The following CTTNBP2 variants were observed in gnomAD, a reference collection of about 807,000 sequenced individuals.
CTTNBP2 encodes the protein cortactin-binding protein 2.
In CTTNBP2, 108 loss-of-function variants were observed where a neutral mutation model predicts 156.9. The ratio of observed to expected loss-of-function variants is 0.69; its 90% CI spans 0.59 to 0.81. The LOEUF (loss-of-function observed/expected upper bound fraction) is 0.81, where lower values mean the gene tolerates loss of function less well. CTTNBP2 is among the 30% of genes least tolerant of loss of function. The probability of loss-of-function intolerance (pLI) is 0.00; values close to 1 mark genes in which losing one functional copy is unlikely to be tolerated. For synonymous variants in CTTNBP2, 767 were observed against 751.8 expected, an observed-to-expected ratio of 1.02 and a Z score of -0.33; for missense variants, 1,924 against 2,035.4, an observed-to-expected ratio of 0.95 and a Z score of 1.05.
At chr7:117,860,698 A>G (rs1283866203) in intron 2 of CTTNBP2, among the ~76,000 whole-genome samples, 1 of 152,222 alleles carries the variant, frequency 6.6e-6, no homozygotes, top group Admixed American at 6.5e-5. Flanking sequence ...AAATATTTCA[A>G]AATTACTGAA....
rs368673723 is a variant in CTTNBP2, at chr7:117,829,849, A to G, written c.190-18860T>C. On this transcript the variant is annotated intron_variant, in intron 2 of 22. Transcript: ENST00000160373. The stretch of plus-strand genomic sequence containing the variant: ...TTGAGCTGTCTCAGTACAGCCACAC[A>G]ATTTAGAAGAGCCCTCTAAAATAAT... Among the ~76,000 whole-genome samples the G allele has an allele frequency of 7.2e-5, 11 of 152,248 alleles. 1 individual carries two copies. Among genetic ancestry groups the G allele is most frequent in the African/African-American group, 2.7e-4 (11 of 41,472 alleles).
At chr7:117,802,176 C>T (rs939855039) in intron 3 of CTTNBP2, among the ~76,000 whole-genome samples, 5 of 149,452 alleles carry the variant, frequency 3.3e-5, no homozygotes, top group African/African-American at 1.2e-4. Flanking sequence ...TTTGTTCTTG[C>T]GATAGTTTAC....
In CTTNBP2 at chr7:117,711,571, T is replaced by TGTAA. The variant is rs768669239; in HGVS notation, c.4954_4957dup (p.His1653LeufsTer5). ...AGGTTTTTCTAGGTGTTCATTTTTG[T>TGTAA]GTAAGTTCCAATTCACTTCTTTTGA... On this transcript the variant is annotated frameshift_variant, in exon 23 of 23. Transcript: ENST00000160373. LOFTEE classifies it high-confidence loss of function. 2.5e-6 allele frequency: 4 copies of TGTAA among 1,613,740 alleles called. No homozygotes were observed. The highest frequency in any genetic ancestry group is 3.4e-6 in the Non-Finnish European group (4 of 1,179,878).
chr7:117,817,387 T>TATATATATATATATATATATATATAA (rs1563037916), intron 2 of CTTNBP2, among the ~76,000 whole-genome samples: 1 of 116,110 alleles, frequency 8.6e-6, no homozygotes, highest in Non-Finnish European at 1.8e-5. Context: ...TATATATATA[T>TATATATATATATATATATATATATAA]AATTTCATCA....
At position 117,785,694 on chromosome 7, in the gene CTTNBP2, G is replaced by A. The variant is rs918679972; in HGVS notation, c.2069-1240C>T. On this transcript the variant is annotated intron_variant, in intron 4 of 22. Transcript: ENST00000160373. ...AGCTGCAGTAAAATTTTATGTTAAG[G>A]AACTATACCATTTGGATTTTTAAAA... is the stretch of plus-strand genomic sequence containing the variant. Among the ~76,000 whole-genome samples the A allele has an allele frequency of 5.3e-5, 8 of 152,100 alleles. 1 individual carries two copies. Among genetic ancestry groups the A allele is most frequent in the Admixed American group, 2.0e-4 (3 of 15,270 alleles).
intron 2 of CTTNBP2, among the ~76,000 whole-genome samples, chr7:117,855,533 C>A (rs921981199): frequency 6.6e-6 from 1 of 152,150 alleles, no homozygotes; most frequent in Non-Finnish European, 1.5e-5. Context: ...GTTGTCACAA[C>A]CAAAGAGTTG....
rs770665037 is a variant in CTTNBP2, at chr7:117,719,655, A to G, written c.4512-19T>C. ...TAAAGACCTAACACAAAGTTCAGAA[A>G]AACGTTTTTCAAAGTGAGAACAATT... On this transcript the variant is annotated intron_variant, in intron 20 of 22. Coordinates refer to ENST00000160373, the MANE Select transcript of CTTNBP2 (RefSeq NM_033427.3). 13 of 1,598,082 alleles carry G rather than the reference A, an allele frequency of 8.1e-6. No homozygotes were observed. The highest frequency in any genetic ancestry group is 1.3e-5 in the African/African-American group (1 of 74,566).
chr7:117,780,696 A>G, intron 6 of CTTNBP2, 105 bp from the exon 7 acceptor site: 1 of 551,316 alleles, frequency 1.8e-6, no homozygotes, highest in South Asian at 4.3e-5. Context: ...TTGCATCTTT[A>G]TATACATCAA....
At chr7:117,869,955 A>G (rs1804468411) in intron 1 of CTTNBP2, among the ~76,000 whole-genome samples, 1 of 152,158 alleles carries the variant, frequency 6.6e-6, no homozygotes, top group Non-Finnish European at 1.5e-5. Flanking sequence ...AACCCTTCGC[A>G]TATGGCTCCC....
chr7:117,840,946 T>G lies in CTTNBP2; in HGVS notation c.189+20263A>C, dbSNP rs1357376251. Among the ~76,000 whole-genome samples, 4 of 152,166 alleles carry G rather than the reference T, an allele frequency of 2.6e-5. No individual in the cohort carries two copies. The East Asian group carries it at 7.7e-4, about 29-fold the overall frequency. On this transcript the variant is annotated intron_variant, in intron 2 of 22. Coordinates refer to ENST00000160373, the MANE Select transcript of CTTNBP2 (RefSeq NM_033427.3). Reference sequence around the variant, plus strand: ...ACCCCTTAATGCTATTAAAAATTATTAAAAACACATAGAGATTTTGTTTAT... The same window carrying G: ...ACCCCTTAATGCTATTAAAAATTATGAAAAACACATAGAGATTTTGTTTAT...
At chr7:117,873,176 TGGG>T (rs1306791142) in intron 1 of CTTNBP2, among the ~76,000 whole-genome samples, 156 bp downstream of exon 1, 1 of 151,978 alleles carries the variant, frequency 6.6e-6, no homozygotes, top group Non-Finnish European at 1.5e-5. Flanking sequence ...CTCCGCCGTG[TGGG>T]CATCCCGAGG....
intron 8 of CTTNBP2, among the ~76,000 whole-genome samples, chr7:117,776,223 C>A (rs1798092917): frequency 6.6e-6 from 1 of 152,182 alleles, no homozygotes; most frequent in Non-Finnish European, 1.5e-5. Context: ...AATCCATGTT[C>A]ATTCTGGGGC....
At chr7:117,824,098 T>C (rs1233797319) in intron 2 of CTTNBP2, among the ~76,000 whole-genome samples, 1 of 152,106 alleles carries the variant, frequency 6.6e-6, no homozygotes, top group Non-Finnish European at 1.5e-5. Context: ...TAGATATTAA[T>C]TTCAACATCT....
rs1186580419 is a variant in CTTNBP2 at position 117,817,352 on chromosome 7, AAAAAAAAAAATATATAT to A, written c.190-6380_190-6364del. ...CCATCTCAAAAAAAAAAAAAAAAAA[AAAAAAAAAAATATATAT>A]ATATATATATATATATATAATTTCA... On this transcript the variant is annotated intron_variant, in intron 2 of 22. Transcript: ENST00000160373. Among the ~76,000 whole-genome samples, 4 of 89,834 alleles carry A rather than the reference AAAAAAAAAAATATATAT, an allele frequency of 4.5e-5. 1 individual carries two copies. Among genetic ancestry groups the A allele is most frequent in the African/African-American group, 1.4e-4 (3 of 21,280 alleles). The allele number at this position is 89,834 out of a possible 152,430, so 58.9% of individuals were successfully genotyped here. A position where few individuals can be genotyped will look rare whatever the true frequency, so the allele number is the denominator to read the frequency against.
chr7:117,864,679 TATATATATTC>T (rs1042776951), intron 1 of CTTNBP2, among the ~76,000 whole-genome samples: 18 of 145,768 alleles, frequency 1.2e-4, no homozygotes, highest in Middle Eastern at 3.8e-3. Flanking sequence ...TTCATATATT[TATATATATTC>T]ATATATATTC....
intron 9 of CTTNBP2, among the ~76,000 whole-genome samples, chr7:117,761,311 A>ATT (rs1797204897): frequency 6.6e-6 from 1 of 152,250 alleles, no homozygotes; most frequent in Non-Finnish European, 1.5e-5. Context: ...CTTATGTGGT[A>ATT]AATACCAGTA....
At chr7:117,842,131 T>C (rs1045126999) in intron 2 of CTTNBP2, among the ~76,000 whole-genome samples, 4 of 152,272 alleles carry the variant, frequency 2.6e-5, no homozygotes, top group African/African-American at 9.6e-5. Flanking sequence ...TAGAGGAAAC[T>C]GGTGGAGGGG....
intron 3 of CTTNBP2, among the ~76,000 whole-genome samples, chr7:117,806,388 A>G (rs1799941545): frequency 6.6e-6 from 1 of 152,214 alleles, no homozygotes; most frequent in Non-Finnish European, 1.5e-5. Flanking sequence ...ATAAATTGAG[A>G]AAGCAGAGTG....
Position 117,816,759 on chromosome 7 carries a change from C to T in CTTNBP2, c.190-5770G>A, listed in dbSNP as rs1039219286. Among the ~76,000 whole-genome samples the T allele has an allele frequency of 2.0e-5, 3 of 151,952 alleles. No individual in the cohort carries two copies. The East Asian group carries it at 5.8e-4, about 29-fold the overall frequency. The stretch of plus-strand genomic sequence containing the variant: ...CTTATTTTTAATTTTTAATGTATTA[C>T]ATTATGTTTAATAAAGGCAGATCAA... On this transcript the variant is annotated intron_variant, in intron 2 of 22. Transcript: ENST00000160373.
Sources: allele counts gnomAD v4.1 joint callset (sites outside exome capture counted in the v4.1 genomes callset), GRCh38; gene constraint gnomAD v4.1.1; transcripts MANE v1.5; gene names NCBI Gene and HGNC (gene_info 2026-07-23, HGNC 2026-07-21).